Variants in TTC27 observed in about 807,000 individuals in gnomAD.
TTC27 encodes tetratricopeptide repeat protein 27.
TTC27 carries 79 observed loss-of-function variants against 115.9 expected under a neutral mutation model. The observed-to-expected ratio is 0.68, with a 90% CI of 0.57 to 0.82. TTC27 has a LOEUF of 0.82. Ranked by LOEUF, TTC27 falls within the 40% of genes least tolerant of loss-of-function variation. The pLI is 0.00. For synonymous variants in TTC27, 401 were observed against 356.0 expected, an observed-to-expected ratio of 1.13 and a Z score of -1.42; for missense variants, 1,054 against 993.1, an observed-to-expected ratio of 1.06 and a Z score of -0.82.
At chr2:32,756,816 G>C (rs1669249676) in intron 12 of TTC27, among the ~76,000 whole-genome samples, 1 of 152,240 alleles carries the variant, frequency 6.6e-6, no homozygotes, top group African/African-American at 2.4e-5. Flanking sequence ...GTGAAGGCGT[G>C]TGTGTGAGGA....
chr2:32,726,137 G>A (rs1478180177), intron 10 of TTC27, among the ~76,000 whole-genome samples: 1 of 152,218 alleles, frequency 6.6e-6, no homozygotes, highest in Non-Finnish European at 1.5e-5. Flanking sequence ...AGGGGCTGCT[G>A]TGAAGACCCC....
At chr2:32,650,055 C>T in intron 4 of TTC27, 76 bp from the exon 5 acceptor site, 1 of 1,232,486 alleles carries the variant, frequency 8.1e-7, no homozygotes, top group Non-Finnish European at 1.2e-6. Context: ...TAAAAAAATT[C>T]TAAAAATCTC....
chr2:32,681,978 A>ATGTG lies in TTC27; in HGVS notation c.1119+3057_1119+3058insGTGT, dbSNP rs1319189348. ...TATAATTATTTATATATATGTATAT[A>ATGTG]TATGTGTGTGTGTGTGTGTGTGTGT... On this transcript the variant is annotated intron_variant, in intron 9 of 19. Coordinates refer to ENST00000317907, the MANE Select transcript of TTC27 (RefSeq NM_017735.5). Among the ~76,000 whole-genome samples the ATGTG allele has an allele frequency of 3.2e-3, 444 of 137,882 alleles. 5 individuals are homozygous for ATGTG. The highest frequency in any genetic ancestry group is 0.011 in the African/African-American group (409 of 36,220). The allele number at this position is 137,882 out of a possible 152,430, so 90.5% of individuals were successfully genotyped here. A position where few individuals can be genotyped will look rare whatever the true frequency, so the allele number is the denominator to read the frequency against.
chr2:32,737,294 A>G (rs1250525326), intron 12 of TTC27, among the ~76,000 whole-genome samples: 1 of 152,188 alleles, frequency 6.6e-6, no homozygotes, highest in Non-Finnish European at 1.5e-5. Context: ...GCCAGGAGGG[A>G]AAATGTTGCA....
chr2:32,666,835 C>T (rs1043468766), intron 7 of TTC27, 67 bp downstream of exon 7: 59 of 1,534,178 alleles, frequency 3.8e-5, no homozygotes, highest in Admixed American at 1.9e-5. Context: ...TAGCTGAGTA[C>T]CATAGAAACA....
At chr2:32,671,658 G>T (rs1354620589) in intron 7 of TTC27, among the ~76,000 whole-genome samples, 1 of 152,048 alleles carries the variant, frequency 6.6e-6, no homozygotes, top group Non-Finnish European at 1.5e-5. Flanking sequence ...AAATTGTTTT[G>T]GTTATTGTCG....
intron 10 of TTC27, among the ~76,000 whole-genome samples, chr2:32,715,495 GTAT>G (rs1249016909): frequency 6.6e-6 from 1 of 152,096 alleles, no homozygotes; most frequent in Non-Finnish European, 1.5e-5. Context: ...ACAGTTTGAA[GTAT>G]GATAATGTGA....
intron 16 of TTC27, among the ~76,000 whole-genome samples, chr2:32,788,171 T>G (rs1670410731): frequency 6.6e-6 from 1 of 152,220 alleles, no homozygotes; most frequent in South Asian, 2.1e-4. Flanking sequence ...GAATGTAAAT[T>G]ATTTATATTT....
intron 10 of TTC27, among the ~76,000 whole-genome samples, chr2:32,713,066 C>T (rs1667637534): frequency 6.6e-6 from 1 of 151,560 alleles, no homozygotes. Context: ...GGCTTCCTTC[C>T]CTCTCTCTCT....
chr2:32,748,788 A>G (rs1366811965), intron 12 of TTC27, among the ~76,000 whole-genome samples: 3 of 148,724 alleles, frequency 2.0e-5, no homozygotes, highest in African/African-American at 7.5e-5. Flanking sequence ...CCCAGGTTTC[A>G]GTGATTCTCC....
At position 32,628,334 on chromosome 2, in the gene TTC27, T is replaced by A; in HGVS notation, c.42T>A (p.Thr14=). The A allele has an allele frequency of 6.2e-7, 1 of 1,608,242 alleles. No homozygotes were observed. Among genetic ancestry groups the A allele is most frequent in the Non-Finnish European group, 8.5e-7 (1 of 1,178,284 alleles). ...PELAILRGFP[T]EAERQQWKQE... ...TGGCAATTCTGAGGGGATTCCCCAC[T>A]GAGGCTGAGCGGCAGCAATGGAAAC... The change falls in exon 1 of 20, where the codon ACT becomes ACA. Residue 14 remains threonine (T), a synonymous_variant. Transcript: ENST00000317907.
intron 8 of TTC27, among the ~76,000 whole-genome samples, chr2:32,673,314 C>T (rs116115559): frequency 0.068 from 10,280 of 151,806 alleles, 392 homozygotes; most frequent in East Asian, 0.12. Flanking sequence ...AACCTCCGCC[C>T]CACGGGCTCA....
At chr2:32,814,028 T>C (rs1470930226) in intron 18 of TTC27, among the ~76,000 whole-genome samples, 1 of 152,170 alleles carries the variant, frequency 6.6e-6, no homozygotes, top group African/African-American at 2.4e-5. Flanking sequence ...TGTATGATAT[T>C]TGGGGAAACC....
intron 10 of TTC27, among the ~76,000 whole-genome samples, chr2:32,723,346 A>G (rs1055870574): frequency 5.3e-5 from 8 of 152,108 alleles, no homozygotes; most frequent in Non-Finnish European, 1.2e-4. Context: ...GGTGGTTAAA[A>G]TATAGATCTT....
chr2:32,644,869 C>T (rs1400903854), intron 4 of TTC27, among the ~76,000 whole-genome samples: 10 of 72,234 alleles, frequency 1.4e-4, no homozygotes, highest in Admixed American at 7.1e-4. Flanking sequence ...TCCTTCCTTT[C>T]TGCTTTTTTT....
intron 19 of TTC27, among the ~76,000 whole-genome samples, chr2:32,819,964 T>C (rs1471526040): frequency 6.6e-6 from 1 of 152,198 alleles, no homozygotes; most frequent in Non-Finnish European, 1.5e-5. Flanking sequence ...CCAAAAAAAC[T>C]ATGTGAGGCT....
chr2:32,758,397 G>C lies in TTC27; in HGVS notation c.1558G>C (p.Glu520Gln). The change falls in exon 13 of 20, where the codon GAG (glutamate) becomes CAG (glutamine). Residue 520 changes from glutamate to glutamine, a missense_variant. Transcript: ENST00000317907. ...CCATTCTTGCTATGACAAGGCCTGG[G>C]AGTTGTCCCGGTACCGCAGTGCTCG... Reference protein sequence around the residue: ...GDHSCYDKAWELSRYRSARAQ... With the variant: ...GDHSCYDKAWQLSRYRSARAQ... 6.2e-7 allele frequency: 1 copy of C among 1,614,202 alleles called. No individual in the cohort carries two copies. Among genetic ancestry groups the C allele is most frequent in the Non-Finnish European group, 8.5e-7 (1 of 1,180,048 alleles).
intron 16 of TTC27, 106 bp from the exon 17 acceptor site, chr2:32,810,918 A>T: frequency 7.8e-7 from 1 of 1,284,224 alleles, no homozygotes. Context: ...AACAAGTTTC[A>T]TAAGGTTTTT....
chr2:32,778,105 C>A, intron 14 of TTC27, 125 bp downstream of exon 14: 2 of 756,716 alleles, frequency 2.6e-6, no homozygotes, highest in Non-Finnish European at 4.2e-6. Context: ...GAGGGAAGGT[C>A]GTACCTCAAG....
Sources: allele counts gnomAD v4.1 joint callset (sites outside exome capture counted in the v4.1 genomes callset), GRCh38; gene constraint gnomAD v4.1.1; transcripts MANE v1.5; gene names NCBI Gene and HGNC (gene_info 2026-07-23, HGNC 2026-07-21).